MINK1: variants seen among roughly 807,000 people sequenced by gnomAD.
MINK1 encodes misshapen-like kinase 1.
Under a neutral mutation model 178.4 loss-of-function variants are expected in MINK1, and 46 were observed. That is an observed-to-expected ratio of 0.26 (90% CI 0.20 to 0.33). The LOEUF (loss-of-function observed/expected upper bound fraction) is 0.33, where lower values mean the gene tolerates loss of function less well. Among genes scored for constraint, MINK1 ranks in the 10% least tolerant of loss-of-function variants. MINK1 has a pLI of 1.00. For synonymous variants in MINK1, 797 were observed against 709.7 expected, an observed-to-expected ratio of 1.12 and a Z score of -1.96; for missense variants, 1,366 against 1,814.9, an observed-to-expected ratio of 0.75 and a Z score of 4.49.
At chr17:4,893,908 C>G in intron 21 of MINK1, 80 bp from the exon 22 acceptor site, 1 of 1,202,180 alleles carries the variant, frequency 8.3e-7, no homozygotes, top group Admixed American at 2.8e-5. Context: ...AAAGCCTGGG[C>G]TCTGGCTGCC....
Position 4,896,395 on chromosome 17 carries a change from A to G in MINK1, c.3616-34A>G, listed in dbSNP as rs1969475712. The G allele has an allele frequency of 6.2e-7, 1 of 1,610,490 alleles. No individual in the cohort carries two copies. On this transcript the variant is annotated intron_variant, in intron 29 of 31. Coordinates refer to ENST00000355280, the MANE Select transcript of MINK1 (RefSeq NM_153827.5). The surrounding 1 kb of genome is among the most constrained non-coding windows in gnomAD (Gnocchi z 4.6). ...TGGGATGGCCCAGTCTGGGCACCAG[A>G]CACGGAGACTCTAGTCCCCCTCCTT...
Position 4,887,829 on chromosome 17 carries a change from C to T in MINK1, c.1230+39C>T. 1 of 1,434,514 alleles carries T rather than the reference C, an allele frequency of 7.0e-7. No homozygotes were observed. The allele number at this position is 1,434,514 out of a possible 1,614,324, so 88.9% of individuals were successfully genotyped here. Reference sequence around the variant, plus strand: ...GAAGGGCCCAGGCCTGGCGCGGCCTCCTCCTGACCTGCCCCGGGTCCATTA... The same window carrying T: ...GAAGGGCCCAGGCCTGGCGCGGCCTTCTCCTGACCTGCCCCGGGTCCATTA... On this transcript the variant is annotated intron_variant, in intron 12 of 31. Transcript: ENST00000355280. The surrounding 1 kb of genome is among the most constrained non-coding windows in gnomAD (Gnocchi z 7.6).
chr17:4,895,039 GCAGCCCCTC>G lies in MINK1; in HGVS notation c.2918-34_2918-26del, dbSNP rs1567624315. ...GTAAAAAGAGATGGGGTGAGAAGCT[GCAGCCCCTC>G]CTCCCACCTCCTCCTCCTTCTGGCA... On this transcript the variant is annotated intron_variant, in intron 24 of 31. Transcript: ENST00000355280. The surrounding 1 kb of genome is among the most constrained non-coding windows in gnomAD (Gnocchi z 4.3). 2.5e-6 allele frequency: 4 copies of G among 1,608,490 alleles called. No individual in the cohort carries two copies. Among genetic ancestry groups the G allele is most frequent in the Admixed American group, 3.3e-5 (2 of 59,774 alleles).
intron 13 of MINK1, chr17:4,890,239 G>A: frequency 7.8e-7 from 1 of 1,285,640 alleles, no homozygotes; most frequent in Non-Finnish European, 9.9e-7. Context: ...TTCGTCACAG[G>A]CTAGAGGAGG....
intron 1 of MINK1, among the ~76,000 whole-genome samples, chr17:4,869,626 C>A (rs553088582): frequency 6.6e-6 from 1 of 151,952 alleles, no homozygotes. Flanking sequence ...CCCGATCTTA[C>A]GATAGTTCTG....
chr17:4,869,553 A>C (rs907356840), intron 1 of MINK1, among the ~76,000 whole-genome samples: 1 of 152,130 alleles, frequency 6.6e-6, no homozygotes, highest in South Asian at 2.1e-4. Flanking sequence ...CTCACATTAC[A>C]GGCGTGGGCC....
At chr17:4,871,947 T>G (rs561935311) in intron 1 of MINK1, among the ~76,000 whole-genome samples, 5 of 152,130 alleles carry the variant, frequency 3.3e-5, no homozygotes, top group Non-Finnish European at 7.3e-5. Flanking sequence ...CCTGGACTTA[T>G]AGGATCCTCC....
At chr17:4,869,011 C>T (rs899780374) in intron 1 of MINK1, 4 of 154,014 alleles carry the variant, frequency 2.6e-5, no homozygotes, top group African/African-American at 7.2e-5. Context: ...GCAAGCTCTG[C>T]CTCCCAGGTT....
chr17:4,851,774 G>A (rs1912002691), intron 1 of MINK1, among the ~76,000 whole-genome samples: 1 of 152,114 alleles, frequency 6.6e-6, no homozygotes, highest in Non-Finnish European at 1.5e-5. Flanking sequence ...GCCAAGGTGG[G>A]TGGATCACCT....
Position 4,892,747 on chromosome 17 carries a change from C to G in MINK1, c.2290C>G (p.Leu764Val), listed in dbSNP as rs763685325. Residue 764 changes from leucine to valine, a missense_variant, in exon 19 of 32, where the codon CTG (leucine) becomes GTG (valine). This residue lies in a region of MINK1 where 709 missense variants were observed against 692.3 expected (regional missense o/e 1.02). Coordinates refer to ENST00000355280, the MANE Select transcript of MINK1 (RefSeq NM_153827.5). ...CGGGCACCTCCCCCAGGCTGGCTCA[C>G]TGGAGCGGAACCGCGTGGGAGGTAT... Reference protein sequence around the residue: ...SHGHLPQAGSLERNRVGVSSK... With the variant: ...SHGHLPQAGSVERNRVGVSSK... The G allele has an allele frequency of 6.2e-7, 1 of 1,610,952 alleles. No homozygotes were observed. Among genetic ancestry groups the G allele is most frequent in the Non-Finnish European group, 8.5e-7 (1 of 1,179,070 alleles).
chr17:4,893,699 C>T lies in MINK1; in HGVS notation c.2564+102C>T, dbSNP rs565853349. 48 of 1,396,576 alleles carry T rather than the reference C, an allele frequency of 3.4e-5. No individual in the cohort carries two copies. In the East Asian group the frequency reaches 7.5e-4, roughly 22 times the overall value. 86.5% of individuals were successfully genotyped at this position (1,396,576 alleles called of 1,614,324 possible). A position where few individuals can be genotyped will look rare whatever the true frequency, so the allele number is the denominator to read the frequency against. On this transcript the variant is annotated intron_variant, in intron 21 of 31. Transcript: ENST00000355280. ...GCTTTGGGGCAAGTCTGAGGGAGAG[C>T]GGCTCCCTTCTCTAGAGAGTGGGGT...
chr17:4,880,863 G>T, intron 2 of MINK1, 121 bp from the exon 3 acceptor site: 1 of 957,236 alleles, frequency 1.0e-6, no homozygotes, highest in Non-Finnish European at 1.5e-6. Flanking sequence ...TCGCGCCACT[G>T]CACTCTAGTC....
At position 4,895,996 on chromosome 17, in the gene MINK1, C is replaced by G; in HGVS notation, c.3365-7C>G. On this transcript the variant is annotated splice_region_variant and splice_polypyrimidine_tract_variant and intron_variant, in intron 27 of 31. Coordinates refer to ENST00000355280, the MANE Select transcript of MINK1 (RefSeq NM_153827.5). This position sits in a 1 kb window ranked among gnomAD's most constrained non-coding sequence, Gnocchi z 4.3. ...GTCTCAGCATCCCTCTTCTCTCCCG[C>G]CCCCAGTGAAATACGAGCGGATTAA... 1 of 1,588,328 alleles carries G rather than the reference C, an allele frequency of 6.3e-7. No homozygotes were observed. The highest frequency in any genetic ancestry group is 8.6e-7 in the Non-Finnish European group (1 of 1,167,380).
In MINK1 at chr17:4,897,026, C is replaced by T. The variant is rs1345765490; in HGVS notation, c.3916-178C>T. On this transcript the variant is annotated intron_variant, in intron 31 of 31. Coordinates refer to ENST00000355280, the MANE Select transcript of MINK1 (RefSeq NM_153827.5). The stretch of plus-strand genomic sequence containing the variant: ...GCCCCCAGGGGGCGAGTGGTGCACC[C>T]TCTCCCCTAACATCCCAGCCTGCCT... 6.9e-6 allele frequency: 6 copies of T among 875,746 alleles called. No homozygotes were observed. The Admixed American group carries it at 1.1e-4, about 15-fold the overall frequency. The allele number at this position is 875,746 out of a possible 1,614,324, so 54.2% of individuals were successfully genotyped here.
chr17:4,890,205 C>A, intron 13 of MINK1: 1 of 992,258 alleles, frequency 1.0e-6, no homozygotes, highest in Non-Finnish European at 1.3e-6. Flanking sequence ...CCCCCCACCC[C>A]ACACCCCGTC....
At chr17:4,843,142 G>C in intron 1 of MINK1, among the ~76,000 whole-genome samples, 1 of 152,288 alleles carries the variant, frequency 6.6e-6, no homozygotes, top group Admixed American at 6.5e-5. Flanking sequence ...TGAGCCCCAC[G>C]TGTCGAAGCA....
At chr17:4,884,110 G>A (rs1276574447) in intron 4 of MINK1, among the ~76,000 whole-genome samples, 6 of 144,796 alleles carry the variant, frequency 4.1e-5, no homozygotes, top group Admixed American at 3.5e-4. Context: ...CAGGTGATCC[G>A]CCTGCCTCAG....
intron 21 of MINK1, 68 bp downstream of exon 21, chr17:4,893,665 A>G: frequency 6.8e-7 from 1 of 1,477,980 alleles, no homozygotes; most frequent in South Asian, 1.4e-5. Flanking sequence ...GCAGTGGGGA[A>G]GAGGTGGGGC....
intron 1 of MINK1, among the ~76,000 whole-genome samples, chr17:4,858,793 C>T (rs1241557298): frequency 6.6e-6 from 1 of 152,192 alleles, no homozygotes; most frequent in Non-Finnish European, 1.5e-5. Context: ...ACAGGTTTCT[C>T]AGAATCTTTC....
Sources: gnomAD v4.1 joint callset for allele counts (sites outside exome capture counted in the v4.1 genomes callset) on GRCh38, gnomAD v4.1.1 for gene constraint, gnomAD v4.1.1 regional missense constraint, Gnocchi (gnomAD v3.1) non-coding constraint, MANE v1.5 for transcripts, NCBI Gene and HGNC (gene_info 2026-07-23, HGNC 2026-07-21) for gene names.